The following TMEM184B variants were observed in gnomAD, a reference collection of about 807,000 sequenced individuals.
The protein encoded by TMEM184B is putative MAPK-activating protein FM08.
Under a neutral mutation model 41.8 loss-of-function variants are expected in TMEM184B, and 17 were observed. The observed-to-expected ratio is 0.41, with a 90% CI of 0.28 to 0.61. The LOEUF (loss-of-function observed/expected upper bound fraction) is 0.61. Among genes scored for constraint, TMEM184B ranks in the 20% least tolerant of loss-of-function variants. The probability of loss-of-function intolerance (pLI) is 0.34; values close to 1 mark genes in which losing one functional copy is unlikely to be tolerated. For missense variants in TMEM184B, 393 were observed against 557.8 expected, an observed-to-expected ratio of 0.70 and a Z score of 2.98; for synonymous variants, 240 against 229.5, an observed-to-expected ratio of 1.05 and a Z score of -0.41.
Position 38,226,150 on chromosome 22 carries a change from G to A in TMEM184B, c.618-557C>T, listed in dbSNP as rs943851870. On this transcript the variant is annotated intron_variant, in intron 6 of 8. Coordinates refer to ENST00000361906, the MANE Select transcript of TMEM184B (RefSeq NM_012264.5). The surrounding 1 kb of genome is among the most constrained non-coding windows in gnomAD (Gnocchi z 4.6). ...GCTAGAGTGCAATGGCGTGATCTTGGCTCACCGCAACCTCTGCCTCCTGGG... is the reference window on the plus strand; with the variant it reads ...GCTAGAGTGCAATGGCGTGATCTTGACTCACCGCAACCTCTGCCTCCTGGG... 2.6e-5 allele frequency among the ~76,000 whole-genome samples: 4 copies of A among 151,254 alleles called. No individual in the cohort carries two copies. The highest frequency in any genetic ancestry group is 5.9e-5 in the Non-Finnish European group (4 of 67,930).
At chr22:38,252,282 A>AG (rs2145721159) in intron 1 of TMEM184B, among the ~76,000 whole-genome samples, 1 of 152,126 alleles carries the variant, frequency 6.6e-6, no homozygotes, top group South Asian at 2.1e-4. Context: ...GCTGGTCTCG[A>AG]GCTCCTGGGC....
At position 38,248,116 on chromosome 22, in the gene TMEM184B, C is replaced by T. The variant is rs2092080237; in HGVS notation, c.-58-97G>A. On this transcript the variant is annotated intron_variant, in intron 1 of 8. Transcript: ENST00000361906. ...CTCTCCACCCACCTCCTGACCATGT[C>T]TGTATTGACCCCAACCATCACCCTG... The T allele has an allele frequency of 2.8e-6, 4 of 1,410,930 alleles. No homozygotes were observed. In the South Asian group the frequency reaches 4.4e-5, roughly 16 times the overall value. 87.4% of individuals were successfully genotyped at this position (1,410,930 alleles called of 1,614,324 possible).
At chr22:38,246,150 C>A (rs531971663) in intron 2 of TMEM184B, 50 bp from the exon 3 acceptor site, 2 of 1,583,526 alleles carry the variant, frequency 1.3e-6, no homozygotes, top group South Asian at 1.1e-5. Flanking sequence ...TCCACAGGGA[C>A]GGGAGGGCAG....
At chr22:38,250,394 A>T (rs2092136557) in intron 1 of TMEM184B, among the ~76,000 whole-genome samples, 1 of 152,252 alleles carries the variant, frequency 6.6e-6, no homozygotes, top group South Asian at 2.1e-4. Context: ...ACAAATCGAG[A>T]CTAAAACTCA....
chr22:38,223,763 T>G (rs1168404562), intron 8 of TMEM184B: 1 of 152,582 alleles, frequency 6.6e-6, no homozygotes, highest in East Asian at 1.9e-4. Flanking sequence ...TCTCAGGCAT[T>G]CCCAGCCTCC....
chr22:38,230,421 C>T (rs929347000), intron 5 of TMEM184B, among the ~76,000 whole-genome samples: 1 of 152,236 alleles, frequency 6.6e-6, no homozygotes, highest in South Asian at 2.1e-4. Context: ...CTTGGTCACA[C>T]GAGCAAGAGT....
intron 1 of TMEM184B, among the ~76,000 whole-genome samples, chr22:38,256,918 A>G (rs986137085): frequency 1.3e-5 from 2 of 151,616 alleles, no homozygotes; most frequent in Non-Finnish European, 2.9e-5. Flanking sequence ...AGCTTCCTCA[A>G]CGGGTGACGT....
Position 38,226,517 on chromosome 22 carries a change from C to A in TMEM184B, c.617+262G>T. 1 of 423,998 alleles carries A rather than the reference C, an allele frequency of 2.4e-6. No homozygotes were observed. The highest frequency in any genetic ancestry group is 4.4e-6 in the Non-Finnish European group (1 of 224,728). The allele number at this position is 423,998 out of a possible 1,614,324, so 26.3% of individuals were successfully genotyped here. On this transcript the variant is annotated intron_variant, in intron 6 of 8. Coordinates refer to ENST00000361906, the MANE Select transcript of TMEM184B (RefSeq NM_012264.5). This position sits in a 1 kb window ranked among gnomAD's most constrained non-coding sequence, Gnocchi z 4.6. ...CCCTGCCTCAGCAGTGGTCACTGTCCCTTTGTGGCCCATCCCTTCATGGTA... is the reference window on the plus strand; with the variant it reads ...CCCTGCCTCAGCAGTGGTCACTGTCACTTTGTGGCCCATCCCTTCATGGTA...
At chr22:38,255,973 T>A (rs537375967) in intron 1 of TMEM184B, among the ~76,000 whole-genome samples, 1 of 152,108 alleles carries the variant, frequency 6.6e-6, no homozygotes, top group African/African-American at 2.4e-5. Flanking sequence ...GTTACATGAA[T>A]CTACATGTGA....
chr22:38,261,067 G>A (rs1184414489), intron 1 of TMEM184B, among the ~76,000 whole-genome samples: 1 of 152,200 alleles, frequency 6.6e-6, no homozygotes, highest in Non-Finnish European at 1.5e-5. Context: ...CTGTTCATCT[G>A]AACTGACCGC....
At chr22:38,253,448 T>TAATC (rs1208098073) in intron 1 of TMEM184B, among the ~76,000 whole-genome samples, 1 of 151,392 alleles carries the variant, frequency 6.6e-6, no homozygotes, top group Non-Finnish European at 1.5e-5. Flanking sequence ...CATGTGCCTG[T>TAATC]AATCCCCAGC....
intron 2 of TMEM184B, among the ~76,000 whole-genome samples, chr22:38,247,432 G>A (rs1439506635): frequency 6.6e-6 from 1 of 152,214 alleles, no homozygotes; most frequent in Non-Finnish European, 1.5e-5. Flanking sequence ...GCGCTGCACT[G>A]GGCCCTGGGA....
intron 5 of TMEM184B, among the ~76,000 whole-genome samples, chr22:38,227,290 C>T (rs911335989): frequency 1.1e-4 from 16 of 152,002 alleles, no homozygotes; most frequent in African/African-American, 2.9e-4. Flanking sequence ...AGGTGGGTGC[C>T]GGAGATGAGA....
chr22:38,252,910 A>G (rs1385251737), intron 1 of TMEM184B, among the ~76,000 whole-genome samples: 2 of 152,226 alleles, frequency 1.3e-5, no homozygotes, highest in African/African-American at 4.8e-5. Context: ...TGGGAGGCCG[A>G]GCTGGGTGGA....
intron 8 of TMEM184B, among the ~76,000 whole-genome samples, chr22:38,224,412 C>T (rs2091364557): frequency 6.6e-6 from 1 of 152,310 alleles, no homozygotes; most frequent in South Asian, 2.1e-4. Context: ...CCGTGCCCGG[C>T]CAGAAGTATC....
chr22:38,248,855 G>A (rs1373200151), intron 1 of TMEM184B, among the ~76,000 whole-genome samples: 13 of 152,160 alleles, frequency 8.5e-5, no homozygotes, highest in Admixed American at 3.9e-4. Context: ...GCCTGTGTGC[G>A]TTCTTCGCCA....
At chr22:38,240,977 C>T (rs1486986259) in intron 3 of TMEM184B, among the ~76,000 whole-genome samples, 1 of 152,220 alleles carries the variant, frequency 6.6e-6, no homozygotes, top group African/African-American at 2.4e-5. Flanking sequence ...CACTCTCTTT[C>T]TCAGGAAGCT....
chr22:38,272,851 G>C, intron 1 of TMEM184B, 33 bp downstream of exon 1: 4 of 970,516 alleles, frequency 4.1e-6, no homozygotes, highest in Non-Finnish European at 4.9e-6. Context: ...CTCCCCCTTG[G>C]GGCTCCCGGG....
At chr22:38,259,199 T>C (rs1390811374) in intron 1 of TMEM184B, among the ~76,000 whole-genome samples, 1 of 152,244 alleles carries the variant, frequency 6.6e-6, no homozygotes, top group African/African-American at 2.4e-5. Flanking sequence ...ACCCAGATTC[T>C]ATCGTCAGAG....
Sources: allele counts gnomAD v4.1 joint callset (sites outside exome capture counted in the v4.1 genomes callset), GRCh38; gene constraint gnomAD v4.1.1; non-coding constraint Gnocchi (gnomAD v3.1); transcripts MANE v1.5; gene names NCBI Gene and HGNC (gene_info 2026-07-23, HGNC 2026-07-21).